The following NEU4 variants were observed in gnomAD, a reference collection of about 807,000 sequenced individuals.
NEU4 encodes sialidase-4.
A neutral mutation model predicts 9.9 loss-of-function variants in NEU4; 7 were observed. The observed-to-expected ratio is 0.71, with a 90% CI of 0.40 to 1.33. The LOEUF is 1.33. Ranked by LOEUF, NEU4 falls within the 40% of genes most tolerant of loss-of-function variation. NEU4 has a pLI of 0.01. For synonymous variants in NEU4, 348 were observed against 316.9 expected, an observed-to-expected ratio of 1.10 and a Z score of -1.04; for missense variants, 717 against 712.6, an observed-to-expected ratio of 1.01 and a Z score of -0.07.
Position 241,816,504 on chromosome 2 carries a change from T to G in NEU4, c.911T>G (p.Leu304Arg), listed in dbSNP as rs750586388. 6.2e-7 allele frequency: 1 copy of G among 1,610,322 alleles called. No individual in the cohort carries two copies. Among genetic ancestry groups the G allele is most frequent in the South Asian group, 1.1e-5 (1 of 90,696 alleles). Residue 304 changes from leucine (L) to arginine (R), a missense_variant, in exon 4 of 4, where the codon CTC becomes CGC. Leu to Arg is a moderately radical substitution (Grantham distance 102). Transcript: ENST00000407683. Reference protein sequence around the residue: ...DSWSVGPGSPLQPPLLGPGVH... With the variant: ...DSWSVGPGSPRQPPLLGPGVH... ...TGGTCAGTGGGCCCCGGGAGTCCCC[T>G]CCAGCCTCCACTCCTCGGTCCTGGA... is the stretch of plus-strand genomic sequence containing the variant.
intron 1 of NEU4, among the ~76,000 whole-genome samples, chr2:241,812,258 C>T (rs907343278): frequency 4.7e-4 from 71 of 152,076 alleles, no homozygotes; most frequent in Non-Finnish European, 7.4e-5. Context: ...CCCCTACAAC[C>T]GGTCCAGGGG....
intron 1 of NEU4, chr2:241,811,782 AG>A: frequency 3.0e-6 from 1 of 333,670 alleles, no homozygotes; most frequent in Non-Finnish European, 5.4e-6. Flanking sequence ...ACTGGTTGTG[AG>A]GGGCCCAATG....
chr2:241,812,572 TG>T (rs1700164129), intron 1 of NEU4, among the ~76,000 whole-genome samples: 260 of 30,062 alleles, frequency 8.6e-3, no homozygotes, highest in African/African-American at 0.021. Flanking sequence ...CTGGCCACAC[TG>T]AGCACGGCTG....
Position 241,814,963 on chromosome 2 carries a change from C to G in NEU4, c.273C>G (p.His91Gln), listed in dbSNP as rs199615875. 27 of 1,611,592 alleles carry G rather than the reference C, an allele frequency of 1.7e-5. No homozygotes were observed. In the East Asian group the frequency reaches 5.8e-4, roughly 35 times the overall value. ...EHRSMNPCPV[H>Q]DAGTGTVFLF... ...GGTCCATGAACCCCTGCCCTGTGCA[C>G]GATGCTGGCACGGGCACCGTCTTCC... Residue 91 changes from histidine (H) to glutamine (Q), a missense_variant, in exon 3 of 4, where the codon CAC becomes CAG. His to Gln is a conservative substitution (Grantham distance 24). Transcript: ENST00000407683.
rs1327464151 is a variant in NEU4 at position 241,817,278 on chromosome 2, G to A, written c.*230G>A. Reference sequence around the variant, plus strand: ...AGGGTGGGGGCACGAAGTGGGCCCTGGGTGACCCCCACAGCTCCCTTCCGA... The same window carrying A: ...AGGGTGGGGGCACGAAGTGGGCCCTAGGTGACCCCCACAGCTCCCTTCCGA... On this transcript the variant is annotated 3_prime_UTR_variant, in exon 4 of 4. Transcript: ENST00000407683. 2 of 534,898 alleles carry A rather than the reference G, an allele frequency of 3.7e-6. No homozygotes were observed. The highest frequency in any genetic ancestry group is 6.2e-5 in the East Asian group (2 of 32,280). 33.1% of individuals were successfully genotyped at this position (534,898 alleles called of 1,614,324 possible).
intron 3 of NEU4, chr2:241,815,661 C>A: frequency 1.9e-6 from 1 of 523,570 alleles, no homozygotes; most frequent in Admixed American, 2.5e-5. Flanking sequence ...AGGCCTCACC[C>A]ACAACTTTCC....
rs769967420 is a variant in NEU4, at chr2:241,816,911, G to C, written c.1318G>C (p.Glu440Gln). 1.8e-5 allele frequency: 29 copies of C among 1,612,932 alleles called. No individual in the cohort carries two copies. In the East Asian group the frequency reaches 4.7e-4, roughly 26 times the overall value. Residue 440 changes from glutamate to glutamine, a missense_variant, in exon 4 of 4, where the codon GAG becomes CAG. Transcript: ENST00000407683. ...EGGLVFACLY[E>Q]SGARTSYDEI... ...GGGCCTGGTTTTTGCCTGCCTGTACGAGAGCGGGGCCAGGACCTCCTATGA... is the reference window on the plus strand; with the variant it reads ...GGGCCTGGTTTTTGCCTGCCTGTACCAGAGCGGGGCCAGGACCTCCTATGA...
chr2:241,811,590 C>T, intron 1 of NEU4: 2 of 776,628 alleles, frequency 2.6e-6, no homozygotes, highest in Non-Finnish European at 3.6e-6. Context: ...ACGAGTCCCA[C>T]TCCTTGCCAA....
rs779931362 is a variant in NEU4 at position 241,814,548 on chromosome 2, T to G, written c.64T>G (p.Tyr22Asp). 1 of 1,612,692 alleles carries G rather than the reference T, an allele frequency of 6.2e-7. No individual in the cohort carries two copies. Among genetic ancestry groups the G allele is most frequent in the Admixed American group, 1.7e-5 (1 of 60,006 alleles). The change falls in exon 2 of 4, where the codon TAC (tyrosine) becomes GAC (aspartate). Residue 22 changes from tyrosine to aspartate, a missense_variant. Tyr to Asp is a radical substitution (Grantham distance 160). Coordinates refer to ENST00000407683, the MANE Select transcript of NEU4 (RefSeq NM_001167600.3). ...CGAGCGGGAGAGGACGGGCCTGACCTACCGCGTGCCCTCGCTGCTCCCCGT... is the reference window on the plus strand; with the variant it reads ...CGAGCGGGAGAGGACGGGCCTGACCGACCGCGTGCCCTCGCTGCTCCCCGT... ...LFERERTGLT[Y>D]RVPSLLPVPP...
At position 241,816,705 on chromosome 2, in the gene NEU4, C is replaced by A. The variant is rs369111720; in HGVS notation, c.1112C>A (p.Pro371Gln). The A allele has an allele frequency of 6.5e-7, 1 of 1,536,616 alleles. No individual in the cohort carries two copies. Among genetic ancestry groups the A allele is most frequent in the Non-Finnish European group, 8.7e-7 (1 of 1,143,678 alleles). Residue 371 changes from proline to glutamine, a missense_variant, in exon 4 of 4, where the codon CCG becomes CAG. Pro to Gln is a moderately conservative substitution (Grantham distance 76, BLOSUM62 -1). Coordinates refer to ENST00000407683, the MANE Select transcript of NEU4 (RefSeq NM_001167600.3). ...GCACTCCCCATGCCCTTTGCTGCCC[C>A]GCCCCAGAGCCCCACGTGGCTGCTG... ...TLALPMPFAA[P>Q]PQSPTWLLYS...
At chr2:241,815,169 C>G (rs758399452) in intron 3 of NEU4, 22 bp downstream of exon 3, 1 of 1,516,522 alleles carries the variant, frequency 6.6e-7, no homozygotes, top group Non-Finnish European at 8.8e-7. Context: ...GGGTGCCGGT[C>G]TGGGTCCCTT....
At chr2:241,810,405 C>T (rs890118389) in intron 1 of NEU4, 3 of 152,256 alleles carry the variant, frequency 2.0e-5, no homozygotes, top group African/African-American at 4.8e-5. Flanking sequence ...TCCCCTCAGG[C>T]CCCTAGGACC....
At chr2:241,815,331 T>C in intron 3 of NEU4, 184 bp downstream of exon 3, 3 of 894,396 alleles carry the variant, frequency 3.4e-6, no homozygotes, top group South Asian at 3.5e-5. Flanking sequence ...CCCAGGACCG[T>C]CCTGAGCCTC....
intron 1 of NEU4, chr2:241,811,004 G>C: frequency 9.7e-7 from 1 of 1,032,280 alleles, no homozygotes; most frequent in Non-Finnish European, 1.2e-6. Flanking sequence ...TGCTGTGAGG[G>C]GCTGTGCTGT....
At chr2:241,812,296 T>C (rs1700145171) in intron 1 of NEU4, among the ~76,000 whole-genome samples, 1 of 152,054 alleles carries the variant, frequency 6.6e-6, no homozygotes, top group Non-Finnish European at 1.5e-5. Context: ...CAGGTTCTCC[T>C]GGAGGTCCCA....
intron 3 of NEU4, chr2:241,815,803 G>A: frequency 3.4e-6 from 2 of 594,696 alleles, no homozygotes; most frequent in South Asian, 2.0e-5. Flanking sequence ...CGCTCTCTCT[G>A]TGTGGGCAGC....
At chr2:241,811,855 C>G (rs1700126581) in intron 1 of NEU4, 1 of 208,740 alleles carries the variant, frequency 4.8e-6, no homozygotes, top group East Asian at 1.0e-4. Flanking sequence ...GACGCTCTAC[C>G]AGGTGAAGGG....
intron 1 of NEU4, among the ~76,000 whole-genome samples, chr2:241,813,159 CG>C (rs1700183892): frequency 1.3e-5 from 2 of 152,186 alleles, no homozygotes; most frequent in African/African-American, 2.4e-5. Flanking sequence ...CCTCAGGTGT[CG>C]GGGCAAGGCC....
At position 241,814,645 on chromosome 2, in the gene NEU4, T is replaced by G; in HGVS notation, c.161T>G (p.Leu54Arg). The change falls in exon 2 of 4, where the codon CTG (leucine) becomes CGG (arginine). Residue 54 changes from leucine to arginine, a missense_variant. Physicochemically the swap from Leu to Arg is moderately radical, Grantham distance 102. Coordinates refer to ENST00000407683, the MANE Select transcript of NEU4 (RefSeq NM_001167600.3). ...LSPDDSHAHR[L>R]VLRRGTLAGG... Reference sequence around the variant, plus strand: ...CCTGACGACTCCCACGCCCACCGCCTGGTGCTGAGGAGGGGCACGCTGGCC... The same window carrying G: ...CCTGACGACTCCCACGCCCACCGCCGGGTGCTGAGGAGGGGCACGCTGGCC... 3 of 1,585,180 alleles carry G rather than the reference T, an allele frequency of 1.9e-6. No homozygotes were observed. The highest frequency in any genetic ancestry group is 2.6e-6 in the Non-Finnish European group (3 of 1,167,084).
Sources: gnomAD v4.1 joint callset for allele counts (sites outside exome capture counted in the v4.1 genomes callset) on GRCh38, gnomAD v4.1.1 for gene constraint, MANE v1.5 for transcripts, NCBI Gene and HGNC (gene_info 2026-07-23, HGNC 2026-07-21) for gene names.